The following LRRTM4 variants were observed in gnomAD, a reference collection of about 807,000 sequenced individuals.
LRRTM4 encodes the protein leucine rich repeat transmembrane neuronal 4, also known as leucine-rich repeat transmembrane neuronal protein 4.
A neutral mutation model predicts 47.6 loss-of-function variants in LRRTM4; 25 were observed. That is an observed-to-expected ratio of 0.53 (90% CI 0.38 to 0.73). LRRTM4 has a LOEUF of 0.73. LRRTM4 is among the 30% of genes least tolerant of loss of function. The pLI is 0.00. For missense variants in LRRTM4, 638 were observed against 713.4 expected (o/e 0.89, Z 1.20); for synonymous variants, 311 against 269.5 (o/e 1.15, Z -1.51).
At chr2:77,147,240 A>G (rs745815971) in intron 3 of LRRTM4, among the ~76,000 whole-genome samples, 23 of 152,310 alleles carry the variant, frequency 1.5e-4, no homozygotes, top group Non-Finnish European at 2.8e-4. Context: ...CTCTTCGCTT[A>G]AGGAAGACAT....
chr2:77,007,834 G>T (rs549464626), intron 3 of LRRTM4, among the ~76,000 whole-genome samples: 2 of 151,912 alleles, frequency 1.3e-5, no homozygotes, highest in South Asian at 4.2e-4. Flanking sequence ...ATCAGCTGCT[G>T]AGTACAACTC....
chr2:77,141,937 T>G (rs749985107), intron 3 of LRRTM4, among the ~76,000 whole-genome samples: 7 of 152,280 alleles, frequency 4.6e-5, no homozygotes, highest in Non-Finnish European at 8.8e-5. Context: ...CACCCAAGTC[T>G]TCTTCTTGAT....
At chr2:77,256,395 A>T (rs1675766790) in intron 3 of LRRTM4, among the ~76,000 whole-genome samples, 1 of 152,116 alleles carries the variant, frequency 6.6e-6, no homozygotes, top group Admixed American at 6.6e-5. Flanking sequence ...AGAAAAGAGA[A>T]GACTTCTCAT....
intron 3 of LRRTM4, among the ~76,000 whole-genome samples, chr2:77,249,536 A>G (rs751375356): frequency 2.0e-5 from 3 of 152,100 alleles, no homozygotes; most frequent in Non-Finnish European, 4.4e-5. Context: ...GAACATAGAG[A>G]TGGCAAAAAA....
Position 77,057,774 on chromosome 2 carries a change from AATAC to A in LRRTM4, c.1552-308862_1552-308859del, listed in dbSNP as rs1449854266. Among the ~76,000 whole-genome samples, 5 of 152,176 alleles carry A rather than the reference AATAC, an allele frequency of 3.3e-5. No homozygotes were observed. In the East Asian group the frequency reaches 9.6e-4, roughly 29 times the overall value. On this transcript the variant is annotated intron_variant, in intron 3 of 3. Transcript: ENST00000409884. ...GAGTCAAGAAGAACTGAGTTATTAA[AATAC>A]ATACATACCTACAAACATAAATGAC... is the stretch of plus-strand genomic sequence containing the variant.
intron 3 of LRRTM4, among the ~76,000 whole-genome samples, chr2:76,988,256 T>C (rs1676872803): frequency 6.6e-6 from 1 of 151,864 alleles, no homozygotes; most frequent in South Asian, 2.1e-4. Flanking sequence ...CTCGATAATT[T>C]CATAGCAAGT....
chr2:77,043,739 C>T (rs1227076753), intron 3 of LRRTM4, among the ~76,000 whole-genome samples: 1 of 151,712 alleles, frequency 6.6e-6, no homozygotes, highest in Non-Finnish European at 1.5e-5. Context: ...ATCCTACAAT[C>T]TGGCAGAATT....
At chr2:77,021,381 T>C (rs897615202) in intron 3 of LRRTM4, among the ~76,000 whole-genome samples, 1 of 152,116 alleles carries the variant, frequency 6.6e-6, no homozygotes, top group Non-Finnish European at 1.5e-5. Context: ...GTTACATTAA[T>C]GGGCTGCAAT....
chr2:77,019,491 G>T (rs144589549), intron 3 of LRRTM4, among the ~76,000 whole-genome samples: 17 of 152,138 alleles, frequency 1.1e-4, no homozygotes, highest in Non-Finnish European at 2.5e-4. Flanking sequence ...GACTACACCA[G>T]TGAAATAATA....
intron 3 of LRRTM4, among the ~76,000 whole-genome samples, chr2:77,167,215 C>T (rs1031144106): frequency 5.9e-5 from 9 of 152,078 alleles, no homozygotes; most frequent in South Asian, 2.1e-4. Flanking sequence ...TCATCATCAC[C>T]GGCCATCAGA....
chr2:76,897,843 C>T (rs1673475162), intron 3 of LRRTM4, among the ~76,000 whole-genome samples: 1 of 152,072 alleles, frequency 6.6e-6, no homozygotes, highest in African/African-American at 2.4e-5. Context: ...TCCTGCCTGG[C>T]CAATTAATAC....
chr2:76,939,075 G>A (rs924667102), intron 3 of LRRTM4, among the ~76,000 whole-genome samples: 2 of 151,936 alleles, frequency 1.3e-5, no homozygotes, highest in Non-Finnish European at 2.9e-5. Context: ...TAAATATTCA[G>A]ACTCCAACAA....
At chr2:77,004,411 G>A (rs1231394407) in intron 3 of LRRTM4, among the ~76,000 whole-genome samples, 1 of 152,176 alleles carries the variant, frequency 6.6e-6, no homozygotes, top group Non-Finnish European at 1.5e-5. Flanking sequence ...CAAGCTCCAA[G>A]CCTCAGCAGC....
chr2:77,071,041 TTTTG>T (rs1328615671), intron 3 of LRRTM4, among the ~76,000 whole-genome samples: 4 of 152,342 alleles, frequency 2.6e-5, no homozygotes, highest in South Asian at 2.1e-4. Context: ...TTATTCTCCT[TTTTG>T]TTTTTTATCT....
Position 76,748,774 on chromosome 2 carries a change from A to T in LRRTM4, c.1694T>A (p.Leu565Gln). Residue 565 changes from leucine to glutamine, a missense_variant, in exon 4 of 4, where the codon CTG becomes CAG. By Grantham distance (113) the Leu-to-Gln change is moderately radical (BLOSUM62 -2). Transcript: ENST00000409884. ...GGCGATGAAGCTGTGGTCTCGGCCC[A>T]GCTCCAGGCCGGGGCTTTCGTCCTG... is the stretch of plus-strand genomic sequence containing the variant. Reference protein sequence around the residue: ...PEQDESPGLELGRDHSFIATI... With the variant: ...PEQDESPGLEQGRDHSFIATI... 6.2e-7 allele frequency: 1 copy of T among 1,613,892 alleles called. No homozygotes were observed. The highest frequency in any genetic ancestry group is 8.5e-7 in the Non-Finnish European group (1 of 1,179,872).
chr2:76,984,474 G>A (rs941092409), intron 3 of LRRTM4, among the ~76,000 whole-genome samples: 10 of 151,848 alleles, frequency 6.6e-5, no homozygotes, highest in South Asian at 2.1e-4. Flanking sequence ...TTAGCTTACC[G>A]ATATGTATGC....
chr2:76,787,957 A>G (rs766200252), intron 3 of LRRTM4, among the ~76,000 whole-genome samples: 1 of 152,144 alleles, frequency 6.6e-6, no homozygotes, highest in Non-Finnish European at 1.5e-5. Context: ...TTATGTCTGT[A>G]TGATATTAAT....
chr2:77,247,156 G>A (rs961594855), intron 3 of LRRTM4, among the ~76,000 whole-genome samples: 2 of 152,042 alleles, frequency 1.3e-5, no homozygotes, highest in Non-Finnish European at 2.9e-5. Flanking sequence ...AAGTGCAGAA[G>A]TGTGTTATAG....
intron 3 of LRRTM4, among the ~76,000 whole-genome samples, chr2:76,780,469 C>A (rs1305328414): frequency 1.3e-5 from 2 of 152,102 alleles, no homozygotes; most frequent in African/African-American, 4.8e-5. Flanking sequence ...TCTTTTTATT[C>A]TTTTTCCTCT....
Sources: gnomAD v4.1 joint callset for allele counts (sites outside exome capture counted in the v4.1 genomes callset) on GRCh38, gnomAD v4.1.1 for gene constraint, MANE v1.5 for transcripts, NCBI Gene and HGNC (gene_info 2026-07-23, HGNC 2026-07-21) for gene names.